Variants in NBEAL1 observed in about 807,000 individuals in gnomAD.
NBEAL1 encodes neurobeachin-like protein 1.
NBEAL1 carries 273 observed loss-of-function variants against 351.3 expected under a neutral mutation model. That is an observed-to-expected ratio of 0.78 (90% CI 0.70 to 0.86). NBEAL1 has a LOEUF of 0.86. Among genes scored for constraint, NBEAL1 ranks in the 40% least tolerant of loss-of-function variants. The pLI is 0.00. For missense variants in NBEAL1, 2,961 were observed against 3,201.3 expected, an observed-to-expected ratio of 0.92 and a Z score of 1.81; for synonymous variants, 1,050 against 1,086.4, an observed-to-expected ratio of 0.97 and a Z score of 0.66.
chr2:203,075,864 G>T (rs1381689715), intron 7 of NBEAL1, among the ~76,000 whole-genome samples: 1 of 152,144 alleles, frequency 6.6e-6, no homozygotes. Context: ...TTTTCTAGTT[G>T]TTTATAGCTG....
At chr2:203,105,478 A>C (rs1424507221) in intron 12 of NBEAL1, among the ~76,000 whole-genome samples, 2 of 151,752 alleles carry the variant, frequency 1.3e-5, no homozygotes, top group African/African-American at 2.4e-5. Flanking sequence ...AAAAAAAAAG[A>C]AAGCTGAATA....
chr2:203,107,484 C>T lies in NBEAL1; in HGVS notation c.1334C>T (p.Pro445Leu), dbSNP rs2062463396. The T allele has an allele frequency of 1.1e-5, 17 of 1,551,218 alleles. No individual in the cohort carries two copies. The highest frequency in any genetic ancestry group is 1.4e-5 in the Non-Finnish European group (16 of 1,146,366). Residue 445 changes from proline to leucine, a missense_variant, in exon 13 of 56, where the codon CCA (proline) becomes CTA (leucine). Coordinates refer to ENST00000683969, the MANE Select transcript of NBEAL1 (RefSeq NM_001378026.1). Reference sequence around the variant, plus strand: ...GAAGTATTAAAATCCCTGGGTCAGCCACCACTGGAATTACTTAAAGAACTT... The same window carrying T: ...GAAGTATTAAAATCCCTGGGTCAGCTACCACTGGAATTACTTAAAGAACTT... ...MLEVLKSLGQ[P>L]PLELLKELMN...
intron 2 of NBEAL1, among the ~76,000 whole-genome samples, chr2:203,033,883 G>A (rs1236456726): frequency 2.0e-5 from 3 of 151,806 alleles, no homozygotes. Flanking sequence ...CTCTTCCCCC[G>A]ACCCTCCCTG....
At chr2:203,138,129 A>G (rs930688712) in intron 29 of NBEAL1, 33 bp from the exon 30 acceptor site, 11 of 1,607,676 alleles carry the variant, frequency 6.8e-6, no homozygotes, top group Admixed American at 5.1e-5. Context: ...CTAAGCTCAC[A>G]ATGGTTTTAA....
At chr2:203,172,164 T>C in intron 40 of NBEAL1, 141 bp downstream of exon 40, 1 of 431,996 alleles carries the variant, frequency 2.3e-6, no homozygotes, top group Non-Finnish European at 4.0e-6. Flanking sequence ...CCAGTTATTT[T>C]CAAAAAGTAT....
intron 10 of NBEAL1, among the ~76,000 whole-genome samples, chr2:203,090,423 C>A (rs1343733333): frequency 1.3e-5 from 2 of 152,106 alleles, no homozygotes; most frequent in African/African-American, 2.4e-5. Context: ...GATTAGCTCC[C>A]ACTTACAACT....
chr2:203,202,456 C>T (rs192061419), intron 50 of NBEAL1, among the ~76,000 whole-genome samples: 186 of 152,276 alleles, frequency 1.2e-3, no homozygotes, highest in Non-Finnish European at 1.8e-3. Flanking sequence ...CACTGCATGT[C>T]GACTTCTCAT....
rs2105865809 is a variant in NBEAL1 at position 203,218,579 on chromosome 2, T to G, written c.*1225T>G. On this transcript the variant is annotated 3_prime_UTR_variant, in exon 56 of 56. Transcript: ENST00000683969. ...TTCAGGAAGGAATGGTTACATGGCT[T>G]TCTTTAAAGGGATCTGTTTCCAGTA... 2 of 152,282 alleles carry G rather than the reference T, an allele frequency of 1.3e-5. No homozygotes were observed. Among genetic ancestry groups the G allele is most frequent in the Non-Finnish European group, 2.9e-5 (2 of 68,020 alleles). The allele number at this position is 152,282 out of a possible 1,614,324, so 9.4% of individuals were successfully genotyped here.
At chr2:203,172,636 C>T (rs2064358276) in intron 40 of NBEAL1, 93 bp from the exon 41 acceptor site, 1 of 1,117,938 alleles carries the variant, frequency 8.9e-7, no homozygotes, top group Non-Finnish European at 1.2e-6. Context: ...GAGACTATCC[C>T]TTTTTGTCTT....
At chr2:203,197,482 T>C in intron 48 of NBEAL1, 91 bp downstream of exon 48, 1 of 890,390 alleles carries the variant, frequency 1.1e-6, no homozygotes, top group Non-Finnish European at 1.8e-6. Context: ...TAAAAGCCAC[T>C]TTTTGGCTGT....
intron 35 of NBEAL1, among the ~76,000 whole-genome samples, chr2:203,151,928 G>C (rs1190742658): frequency 1.3e-5 from 2 of 151,910 alleles, no homozygotes; most frequent in Non-Finnish European, 1.5e-5. Context: ...ACTAATGTTA[G>C]ATAGAATTCT....
At chr2:203,202,344 A>G (rs1171100324) in intron 50 of NBEAL1, among the ~76,000 whole-genome samples, 1 of 152,184 alleles carries the variant, frequency 6.6e-6, no homozygotes, top group Non-Finnish European at 1.5e-5. Context: ...ATGGGAGTAG[A>G]AGGTGAATGG....
chr2:203,162,110 A>G (rs1575066352), intron 36 of NBEAL1, among the ~76,000 whole-genome samples: 1 of 133,832 alleles, frequency 7.5e-6, no homozygotes, highest in Admixed American at 8.8e-5. Flanking sequence ...TGTAACCACC[A>G]CCTCCTGGGT....
chr2:203,094,163 A>C (rs1360583109), intron 10 of NBEAL1, among the ~76,000 whole-genome samples: 1 of 152,136 alleles, frequency 6.6e-6, no homozygotes, highest in African/African-American at 2.4e-5. Flanking sequence ...GTAATATATA[A>C]TTTTCTAATT....
At chr2:203,091,116 A>G (rs902652778) in intron 10 of NBEAL1, among the ~76,000 whole-genome samples, 8 of 152,164 alleles carry the variant, frequency 5.3e-5, no homozygotes, top group East Asian at 1.9e-4. Context: ...TGAAAACTCT[A>G]TACCCATTAA....
At chr2:203,035,638 C>T (rs562669250) in intron 2 of NBEAL1, among the ~76,000 whole-genome samples, 1 of 149,234 alleles carries the variant, frequency 6.7e-6, no homozygotes, top group South Asian at 2.1e-4. Context: ...GTGCTCTCAA[C>T]AGCCCATGAG....
intron 39 of NBEAL1, 107 bp from the exon 40 acceptor site, chr2:203,171,821 C>CTT: frequency 2.4e-6 from 1 of 412,910 alleles, no homozygotes; most frequent in East Asian, 3.6e-5. Context: ...CCCTGTTGTA[C>CTT]CTTTTTTTTT....
At chr2:203,107,367 A>G in intron 12 of NBEAL1, 53 bp from the exon 13 acceptor site, 2 of 845,558 alleles carry the variant, frequency 2.4e-6, no homozygotes, top group Non-Finnish European at 3.7e-6. Context: ...TAATATTCCA[A>G]CATATTCAGT....
At position 203,197,337 on chromosome 2, in the gene NBEAL1, C is replaced by A; in HGVS notation, c.7074C>A (p.Thr2358=). 1 of 1,603,800 alleles carries A rather than the reference C, an allele frequency of 6.2e-7. No homozygotes were observed. The highest frequency in any genetic ancestry group is 2.2e-5 in the East Asian group (1 of 44,812). Reference sequence around the variant, plus strand: ...ATGGTATTCCACTATTAAAGGCCACCATCCCCAAAAATCAGTATCGTTCTT... The same window carrying A: ...ATGGTATTCCACTATTAAAGGCCACAATCCCCAAAAATCAGTATCGTTCTT... ...ISDGIPLLKA[T]IPKNQYRSFM... Residue 2358 remains threonine, a synonymous_variant, in exon 48 of 56, where the codon ACC becomes ACA. Transcript: ENST00000683969.
Sources: allele counts gnomAD v4.1 joint callset (sites outside exome capture counted in the v4.1 genomes callset), GRCh38; gene constraint gnomAD v4.1.1; transcripts MANE v1.5; gene names NCBI Gene and HGNC (gene_info 2026-07-23, HGNC 2026-07-21).